The following HBB variants were observed in gnomAD, a reference collection of about 807,000 sequenced individuals.
HBB encodes hemoglobin subunit beta, also known as Hb Monza protein.
A neutral mutation model predicts 9.7 loss-of-function variants in HBB; 18 were observed. That is an observed-to-expected ratio of 1.86 (90% CI 1.28 to 2.76). The LOEUF is 2.76. Ranked by LOEUF, HBB falls within the 30% of genes most tolerant of loss-of-function variation. The pLI is 0.00. For synonymous variants in HBB, 99 were observed against 73.6 expected (o/e 1.35, Z -1.77); for missense variants, 156 against 177.0 (o/e 0.88, Z 0.67).
Position 5,226,955 on chromosome 11 carries a change from C to G in HBB, c.67G>C (p.Glu23Gln), listed in dbSNP as rs33959855. The G allele has an allele frequency of 3.0e-5, 49 of 1,613,786 alleles. No individual in the cohort carries two copies. The South Asian group carries it at 5.4e-4, about 18-fold the overall frequency. Residue 23 changes from glutamate (E) to glutamine (Q), a missense_variant, in exon 1 of 3, where the codon GAA becomes CAA. Physicochemically the swap from Glu to Gln is conservative, Grantham distance 29. Coordinates refer to ENST00000335295, the MANE Select transcript of HBB (RefSeq NM_000518.5). ...TALWGKVNVD[E>Q]VGGEALGRLL... ...CTGCCCAGGGCCTCACCACCAACTT[C>G]ATCCACGTTCACCTTGCCCCACAGG...
chr11:5,226,561 C>A lies in HBB; in HGVS notation c.315+16G>T, dbSNP rs10768683. On this transcript the variant is annotated intron_variant, in intron 2 of 2. Transcript: ENST00000335295. ...AAAGAAGGGGAAAGAAAACATCAAG[C>A]GTCCCATAGACTCACCCTGAAGTTC... 2.5e-6 allele frequency: 4 copies of A among 1,610,058 alleles called. No homozygotes were observed. The highest frequency in any genetic ancestry group is 1.7e-5 in the Admixed American group (1 of 59,984).
rs1420779550 is a variant in HBB at position 5,225,466 on chromosome 11, G to A, written c.*132C>T. ...TCAGAAATAATTTAAATACATCATTGCAATGAAAATAAATGTTTTTTATTA... is the reference window on the plus strand; with the variant it reads ...TCAGAAATAATTTAAATACATCATTACAATGAAAATAAATGTTTTTTATTA... On this transcript the variant is annotated 3_prime_UTR_variant, in exon 3 of 3. Coordinates refer to ENST00000335295, the MANE Select transcript of HBB (RefSeq NM_000518.5). 1 of 850,656 alleles carries A rather than the reference G, an allele frequency of 1.2e-6. No homozygotes were observed. The highest frequency in any genetic ancestry group is 2.4e-5 in the East Asian group (1 of 40,992). The allele number at this position is 850,656 out of a possible 1,614,324, so 52.7% of individuals were successfully genotyped here.
rs33946401 is a variant in HBB, at chr11:5,226,680, G to A, written c.212C>T (p.Ala71Val). The change falls in exon 2 of 3, where the codon GCC becomes GTC. Residue 71 changes from alanine to valine, a missense_variant. Coordinates refer to ENST00000335295, the MANE Select transcript of HBB (RefSeq NM_000518.5). ...CAGGTGAGCCAGGCCATCACTAAAG[G>A]CACCGAGCACTTTCTTGCCATGAGC... Reference protein sequence around the residue: ...VKAHGKKVLGAFSDGLAHLDN... With the variant: ...VKAHGKKVLGVFSDGLAHLDN... The A allele has an allele frequency of 6.2e-7, 1 of 1,614,120 alleles. No individual in the cohort carries two copies. Among genetic ancestry groups the A allele is most frequent in the Non-Finnish European group, 8.5e-7 (1 of 1,180,014 alleles).
At chr11:5,226,182 AAAAG>A in intron 2 of HBB, 1 of 319,216 alleles carries the variant, frequency 3.1e-6, no homozygotes, top group South Asian at 4.3e-5. Flanking sequence ...AATTAAAAAT[AAAAG>A]AAAATAAAGT....
At chr11:5,226,117 A>G in intron 2 of HBB, 1 of 313,352 alleles carries the variant, frequency 3.2e-6, no homozygotes, top group South Asian at 3.5e-5. Flanking sequence ...CAATATGTGT[A>G]CACATATTAA....
chr11:5,226,152 A>G lies in HBB; in HGVS notation c.315+425T>C, dbSNP rs922176223. ...AAACATTACACTTTAACCCATAAAT[A>G]TGTATAATGATTATGTATCAATTAA... is the stretch of plus-strand genomic sequence containing the variant. On this transcript the variant is annotated intron_variant, in intron 2 of 2. Transcript: ENST00000335295. The G allele has an allele frequency of 1.7e-5, 5 of 295,826 alleles. No homozygotes were observed. Among genetic ancestry groups the G allele is most frequent in the African/African-American group, 8.9e-5 (4 of 45,020 alleles). The allele number at this position is 295,826 out of a possible 1,614,324, so 18.3% of individuals were successfully genotyped here. A position where few individuals can be genotyped will look rare whatever the true frequency, so the allele number is the denominator to read the frequency against.
rs528009939 is a variant in HBB at position 5,225,469 on chromosome 11, A to T, written c.*129T>A. 8.9e-5 allele frequency: 78 copies of T among 880,026 alleles called. No individual in the cohort carries two copies. The East Asian group carries it at 1.7e-3, about 20-fold the overall frequency. 54.5% of individuals were successfully genotyped at this position (880,026 alleles called of 1,614,324 possible). A position where few individuals can be genotyped will look rare whatever the true frequency, so the allele number is the denominator to read the frequency against. On this transcript the variant is annotated 3_prime_UTR_variant, in exon 3 of 3. Coordinates refer to ENST00000335295, the MANE Select transcript of HBB (RefSeq NM_000518.5). ...GAAATAATTTAAATACATCATTGCA[A>T]TGAAAATAAATGTTTTTTATTAGGC...
Position 5,225,825 on chromosome 11 carries a change from A to C in HBB, c.316-99T>G, listed in dbSNP as rs1232651664. ...TATCCCAACCATAAAATAAAAGCAG[A>C]ATGGTAGCTGGATTGTAGCTGCTAT... On this transcript the variant is annotated intron_variant, in intron 2 of 2. Coordinates refer to ENST00000335295, the MANE Select transcript of HBB (RefSeq NM_000518.5). 12 of 1,253,310 alleles carry C rather than the reference A, an allele frequency of 9.6e-6. No individual in the cohort carries two copies. In the East Asian group the frequency reaches 2.8e-4, roughly 29 times the overall value. The allele number at this position is 1,253,310 out of a possible 1,614,324, so 77.6% of individuals were successfully genotyped here. A position where few individuals can be genotyped will look rare whatever the true frequency, so the allele number is the denominator to read the frequency against.
rs34446260 is a variant in HBB, at chr11:5,226,706, C to A, written c.186G>T (p.Lys62Asn). 6.2e-7 allele frequency: 1 copy of A among 1,614,114 alleles called. No individual in the cohort carries two copies. The highest frequency in any genetic ancestry group is 2.2e-5 in the East Asian group (1 of 44,874). ...PDAVMGNPKV[K>N]AHGKKVLGAF... ...CACCGAGCACTTTCTTGCCATGAGCCTTCACCTTAGGGTTGCCCATAACAG... is the reference window on the plus strand; with the variant it reads ...CACCGAGCACTTTCTTGCCATGAGCATTCACCTTAGGGTTGCCCATAACAG... Residue 62 changes from lysine to asparagine, a missense_variant, in exon 2 of 3, where the codon AAG becomes AAT. Coordinates refer to ENST00000335295, the MANE Select transcript of HBB (RefSeq NM_000518.5).
In HBB at chr11:5,227,012, G is replaced by A. The variant is rs34126315; in HGVS notation, c.10C>T (p.Leu4=). The change falls in exon 1 of 3, where the codon CTG becomes TTG. Residue 4 remains leucine (L), a synonymous_variant. Coordinates refer to ENST00000335295, the MANE Select transcript of HBB (RefSeq NM_000518.5). ...ACGGCAGACTTCTCCTCAGGAGTCA[G>A]ATGCACCATGGTGTCTGTTTGAGGT... MVH[L]TPEEKSAVTA... is the part of the protein sequence containing the mutation. 17 of 1,605,062 alleles carry A rather than the reference G, an allele frequency of 1.1e-5. No homozygotes were observed. In the East Asian group the frequency reaches 2.9e-4, roughly 27 times the overall value.
At position 5,225,736 on chromosome 11, in the gene HBB, G is replaced by A. The variant is rs751809624; in HGVS notation, c.316-10C>T. ...GCACGTTGCCCAGGAGCTGTGGGAG[G>A]AAGATAAGAGGTATGAACATGATTA... On this transcript the variant is annotated splice_polypyrimidine_tract_variant and intron_variant, in intron 2 of 2. Coordinates refer to ENST00000335295, the MANE Select transcript of HBB (RefSeq NM_000518.5). The A allele has an allele frequency of 6.2e-7, 1 of 1,613,846 alleles. No homozygotes were observed. The highest frequency in any genetic ancestry group is 8.5e-7 in the Non-Finnish European group (1 of 1,179,758).
rs1470539687 is a variant in HBB, at chr11:5,226,225, C to T, written c.315+352G>A. Reference sequence around the variant, plus strand: ...GAGATTATGAATATGCAAATAAGCACACATATATTCCAAATAGTAATGTAC... The same window carrying T: ...GAGATTATGAATATGCAAATAAGCATACATATATTCCAAATAGTAATGTAC... On this transcript the variant is annotated intron_variant, in intron 2 of 2. Coordinates refer to ENST00000335295, the MANE Select transcript of HBB (RefSeq NM_000518.5). 5.0e-6 allele frequency: 2 copies of T among 403,132 alleles called. No individual in the cohort carries two copies. Among genetic ancestry groups the T allele is most frequent in the Non-Finnish European group, 8.9e-6 (2 of 225,732 alleles). The allele number at this position is 403,132 out of a possible 1,614,324, so 25.0% of individuals were successfully genotyped here. A position where few individuals can be genotyped will look rare whatever the true frequency, so the allele number is the denominator to read the frequency against.
chr11:5,227,006 G>C lies in HBB; in HGVS notation c.16C>G (p.Pro6Ala), dbSNP rs33912272. The C allele has an allele frequency of 8.7e-6, 14 of 1,609,894 alleles. No homozygotes were observed. Among genetic ancestry groups the C allele is most frequent in the Non-Finnish European group, 1.2e-5 (14 of 1,176,250 alleles). ...GCAGTAACGGCAGACTTCTCCTCAGGAGTCAGATGCACCATGGTGTCTGTT... is the reference window on the plus strand; with the variant it reads ...GCAGTAACGGCAGACTTCTCCTCAGCAGTCAGATGCACCATGGTGTCTGTT... MVHLT[P>A]EEKSAVTALW... The change falls in exon 1 of 3, where the codon CCT (proline) becomes GCT (alanine). Residue 6 changes from proline to alanine, a missense_variant. Pro to Ala is a conservative substitution (Grantham distance 27). Coordinates refer to ENST00000335295, the MANE Select transcript of HBB (RefSeq NM_000518.5).
chr11:5,226,309 T>C, intron 2 of HBB: 1 of 581,024 alleles, frequency 1.7e-6, no homozygotes, highest in Non-Finnish European at 3.0e-6. Flanking sequence ...AGATATTTCC[T>C]TTTGTTATAC....
chr11:5,226,058 G>A lies in HBB; in HGVS notation c.316-332C>T, dbSNP rs1405170526. Among the ~76,000 whole-genome samples, 1 of 152,040 alleles carries A rather than the reference G, an allele frequency of 6.6e-6. No homozygotes were observed. Among genetic ancestry groups the A allele is most frequent in the Non-Finnish European group, 1.5e-5 (1 of 67,996 alleles). On this transcript the variant is annotated intron_variant, in intron 2 of 2. Transcript: ENST00000335295. ...AGATAAACAAAAAAGTATATTAAAA[G>A]AAGAAAGCATTTTTTAAAATTACAA...
Position 5,225,493 on chromosome 11 carries a change from G to T in HBB, c.*105C>A. ...AATGAAAATAAATGTTTTTTATTAG[G>T]CAGAATCCAGATGCTCAAGGCCCTT... is the stretch of plus-strand genomic sequence containing the variant. On this transcript the variant is annotated 3_prime_UTR_variant, in exon 3 of 3. Transcript: ENST00000335295. The T allele has an allele frequency of 9.6e-7, 1 of 1,039,126 alleles. No homozygotes were observed. Among genetic ancestry groups the T allele is most frequent in the Non-Finnish European group, 1.5e-6 (1 of 658,344 alleles). 64.4% of individuals were successfully genotyped at this position (1,039,126 alleles called of 1,614,324 possible).
At position 5,226,260 on chromosome 11, in the gene HBB, T is replaced by G. The variant is rs1011949195; in HGVS notation, c.315+317A>C. 3.8e-6 allele frequency: 2 copies of G among 519,706 alleles called. No individual in the cohort carries two copies. Among genetic ancestry groups the G allele is most frequent in the Non-Finnish European group, 6.8e-6 (2 of 293,538 alleles). 32.2% of individuals were successfully genotyped at this position (519,706 alleles called of 1,614,324 possible). ...CCAAATAGTAATGTACTAGGCAGAC[T>G]GTGTAAAGTTTTTTTTTAAGTTACT... is the stretch of plus-strand genomic sequence containing the variant. On this transcript the variant is annotated intron_variant, in intron 2 of 2. Transcript: ENST00000335295.
rs33945705 is a variant in HBB at position 5,226,672 on chromosome 11, C to T, written c.220G>A (p.Asp74Asn). 6.8e-6 allele frequency: 11 copies of T among 1,614,004 alleles called. No homozygotes were observed. The African/African-American group carries it at 1.2e-4, about 18-fold the overall frequency. ...AGGTTGTCCAGGTGAGCCAGGCCAT[C>T]ACTAAAGGCACCGAGCACTTTCTTG... ...HGKKVLGAFS[D>N]GLAHLDNLKG... is the part of the protein sequence containing the mutation. Residue 74 changes from aspartate (D) to asparagine (N), a missense_variant, in exon 2 of 3, where the codon GAT becomes AAT. Physicochemically the swap from Asp to Asn is conservative, Grantham distance 23 (BLOSUM62 1). Transcript: ENST00000335295.
rs1847549061 is a variant in HBB, at chr11:5,226,555, A to C, written c.315+22T>G. ...CATAGAAAAGAAGGGGAAAGAAAAC[A>C]TCAAGCGTCCCATAGACTCACCCTG... is the stretch of plus-strand genomic sequence containing the variant. On this transcript the variant is annotated intron_variant, in intron 2 of 2. Transcript: ENST00000335295. 6.2e-7 allele frequency: 1 copy of C among 1,608,026 alleles called. No homozygotes were observed. The highest frequency in any genetic ancestry group is 8.5e-7 in the Non-Finnish European group (1 of 1,174,598).
Sources: allele counts gnomAD v4.1 joint callset (sites outside exome capture counted in the v4.1 genomes callset), GRCh38; gene constraint gnomAD v4.1.1; transcripts MANE v1.5; gene names NCBI Gene and HGNC (gene_info 2026-07-23, HGNC 2026-07-21).